VWA3B: variants seen among roughly 807,000 people sequenced by gnomAD.
VWA3B encodes the protein von Willebrand factor A domain-containing protein 3B.
Under a neutral mutation model 158.3 loss-of-function variants are expected in VWA3B, and 138 were observed. The ratio of observed to expected loss-of-function variants is 0.87; its 90% CI spans 0.76 to 1.00. The LOEUF is 1.00. Ranked by LOEUF, VWA3B falls within the 50% of genes least tolerant of loss-of-function variation. The pLI, the probability that VWA3B is intolerant of heterozygous loss-of-function variation, is 0.00. For missense variants in VWA3B, 1,555 were observed against 1,565.1 expected, an observed-to-expected ratio of 0.99 and a Z score of 0.11; for synonymous variants, 596 against 587.3, an observed-to-expected ratio of 1.01 and a Z score of -0.21.
chr2:98,320,042 C>G, the VWA3B span, among the ~76,000 whole-genome samples: 1 of 152,180 alleles, frequency 6.6e-6, no homozygotes, highest in African/African-American at 2.4e-5. Flanking sequence ...CCACCCAAAT[C>G]TCATCTTGAA....
At chr2:98,283,291 C>T (rs1688987132) in intron 22 of VWA3B, among the ~76,000 whole-genome samples, 1 of 152,204 alleles carries the variant, frequency 6.6e-6, no homozygotes, top group Admixed American at 6.5e-5. Context: ...ATGTGGACAT[C>T]TTTACGGAAT....
intron 20 of VWA3B, among the ~76,000 whole-genome samples, chr2:98,255,155 A>G (rs1687035561): frequency 7.0e-6 from 1 of 141,938 alleles, no homozygotes; most frequent in Non-Finnish European, 1.5e-5. Flanking sequence ...CTGGGAGTAC[A>G]GTCGCCCGCC....
intron 12 of VWA3B, among the ~76,000 whole-genome samples, chr2:98,208,696 TTGTC>T (rs573996258): frequency 1.1e-3 from 168 of 152,350 alleles, no homozygotes; most frequent in Non-Finnish European, 2.1e-3. Flanking sequence ...AAATATATAA[TTGTC>T]TGAAGTATTT....
intron 13 of VWA3B, among the ~76,000 whole-genome samples, chr2:98,213,023 C>A (rs979991433): frequency 6.6e-6 from 1 of 152,020 alleles, no homozygotes; most frequent in Admixed American, 6.6e-5. Flanking sequence ...TCTAGGGGCA[C>A]AGAGTGATGG....
At chr2:98,238,385 A>G (rs1021861149) in intron 19 of VWA3B, among the ~76,000 whole-genome samples, 1 of 152,132 alleles carries the variant, frequency 6.6e-6, no homozygotes, top group African/African-American at 2.4e-5. Flanking sequence ...GAGAAACTGA[A>G]CCCTAATTTA....
intron 8 of VWA3B, among the ~76,000 whole-genome samples, chr2:98,175,556 CCAAA>C (rs752970585): frequency 1.2e-4 from 19 of 152,100 alleles, no homozygotes; most frequent in African/African-American, 2.9e-4. Context: ...ATGAAAAAAA[CCAAA>C]CAGAGTCTTA....
Position 98,275,024 on chromosome 2 carries a change from C to A in VWA3B, c.3045+4141C>A, listed in dbSNP as rs13415957. Reference sequence around the variant, plus strand: ...GCCAGCCTATCCCATCACATGTCATCCTCTAACCGTCTGCCACGTGTTTGT... The same window carrying A: ...GCCAGCCTATCCCATCACATGTCATACTCTAACCGTCTGCCACGTGTTTGT... On this transcript the variant is annotated intron_variant, in intron 22 of 27. Coordinates refer to ENST00000477737, the MANE Select transcript of VWA3B (RefSeq NM_144992.5). 9.0e-3 allele frequency among the ~76,000 whole-genome samples: 1,375 copies of A among 152,334 alleles called. 26 individuals are homozygous for A. Among genetic ancestry groups the A allele is most frequent in the African/African-American group, 0.031 (1,296 of 41,572 alleles).
At position 98,300,074 on chromosome 2, in the gene VWA3B, T is replaced by C; in HGVS notation, c.3283-5T>C. On this transcript the variant is annotated splice_region_variant and splice_polypyrimidine_tract_variant and intron_variant, in intron 24 of 27. Transcript: ENST00000477737. ...AAAATATTTGCTCTATGTTCTCCTC[T>C]GCAGGTTGGAGATTATGTGTTTGCC... The C allele has an allele frequency of 2.5e-6, 4 of 1,614,256 alleles. No homozygotes were observed. The highest frequency in any genetic ancestry group is 3.4e-6 in the Non-Finnish European group (4 of 1,180,056).
intron 24 of VWA3B, among the ~76,000 whole-genome samples, chr2:98,298,396 TC>T (rs1293111514): frequency 6.9e-6 from 1 of 144,016 alleles, no homozygotes; most frequent in East Asian, 2.0e-4. Context: ...TCTATTCTAT[TC>T]TATTCTATTC....
intron 3 of VWA3B, among the ~76,000 whole-genome samples, chr2:98,116,093 G>A (rs1047054221): frequency 3.9e-5 from 6 of 152,206 alleles, no homozygotes; most frequent in Non-Finnish European, 8.8e-5. Flanking sequence ...ATTAGGAATA[G>A]GGGCAGCATT....
At chr2:98,190,945 CT>C (rs1681525176) in intron 10 of VWA3B, among the ~76,000 whole-genome samples, 1 of 151,894 alleles carries the variant, frequency 6.6e-6, no homozygotes, top group African/African-American at 2.4e-5. Context: ...CTGCCTCCCC[CT>C]CTCTTCTCCT....
Position 98,307,029 on chromosome 2 carries a change from C to A in VWA3B, c.3521+3227C>A, listed in dbSNP as rs569171411. Among the ~76,000 whole-genome samples the A allele has an allele frequency of 3.3e-5, 5 of 152,314 alleles. No homozygotes were observed. The East Asian group carries it at 9.6e-4, about 29-fold the overall frequency. On this transcript the variant is annotated intron_variant, in intron 26 of 27. Coordinates refer to ENST00000477737, the MANE Select transcript of VWA3B (RefSeq NM_144992.5). ...TAAAGGCATAGGTCTGATTTTGTGT[C>A]TGAGCTGGGATTTCCTTCTGGTAGG... is the stretch of plus-strand genomic sequence containing the variant.
intron 1 of VWA3B, among the ~76,000 whole-genome samples, chr2:98,092,822 A>ATG (rs1682426401): frequency 1.2e-5 from 1 of 86,442 alleles, no homozygotes; most frequent in African/African-American, 5.6e-5. Context: ...TTTTGTATAT[A>ATG]TATATATATA....
At chr2:98,282,782 C>T (rs906739236) in intron 22 of VWA3B, among the ~76,000 whole-genome samples, 1 of 152,138 alleles carries the variant, frequency 6.6e-6, no homozygotes, top group Non-Finnish European at 1.5e-5. Context: ...CTGTCCTTGT[C>T]CTTTCCAGTG....
chr2:98,117,395 T>C (rs1674613476), intron 3 of VWA3B, among the ~76,000 whole-genome samples: 1 of 152,242 alleles, frequency 6.6e-6, no homozygotes, highest in Non-Finnish European at 1.5e-5. Flanking sequence ...TCAGCATTCC[T>C]GGGCTGCATG....
At chr2:98,089,586 C>G (rs1197022669) in intron 1 of VWA3B, among the ~76,000 whole-genome samples, 1 of 151,572 alleles carries the variant, frequency 6.6e-6, no homozygotes. Context: ...CAGTTCCTAT[C>G]CCACTTGAGT....
intron 19 of VWA3B, among the ~76,000 whole-genome samples, chr2:98,241,524 A>G (rs554600720): frequency 8.6e-5 from 13 of 152,028 alleles, no homozygotes; most frequent in Middle Eastern, 3.4e-3. Context: ...GATGTACCCA[A>G]AGCTCTTTAT....
chr2:98,298,771 G>A (rs902294317), intron 24 of VWA3B, among the ~76,000 whole-genome samples: 9 of 152,384 alleles, frequency 5.9e-5, no homozygotes, highest in African/African-American at 2.2e-4. Flanking sequence ...CACAGGGTGG[G>A]AATGGGCCCG....
chr2:98,139,585 CTCAGG>C (rs1210281110), intron 7 of VWA3B, among the ~76,000 whole-genome samples: 6 of 152,256 alleles, frequency 3.9e-5, no homozygotes, highest in African/African-American at 1.4e-4. Context: ...CTGTGTCTAG[CTCAGG>C]GTTTGTGAAT....
Sources: gnomAD v4.1 joint callset for allele counts (sites outside exome capture counted in the v4.1 genomes callset) on GRCh38, gnomAD v4.1.1 for gene constraint, MANE v1.5 for transcripts, NCBI Gene and HGNC (gene_info 2026-07-23, HGNC 2026-07-21) for gene names.